Variants in ADAM10 observed in about 807,000 individuals in gnomAD.
ADAM10 encodes the protein disintegrin and metalloproteinase domain-containing protein 10.
A neutral mutation model predicts 90.1 loss-of-function variants in ADAM10; 17 were observed. That is an observed-to-expected ratio of 0.19 (90% CI 0.13 to 0.28). ADAM10 has a LOEUF of 0.28. Among genes scored for constraint, ADAM10 ranks in the 10% least tolerant of loss-of-function variants. The pLI is 1.00. For missense variants in ADAM10, 610 were observed against 914.3 expected, an observed-to-expected ratio of 0.67 and a Z score of 4.29; for synonymous variants, 310 against 298.6, an observed-to-expected ratio of 1.04 and a Z score of -0.40.
At chr15:58,638,733 CAAT>C (rs1471890941) in intron 8 of ADAM10, among the ~76,000 whole-genome samples, 1 of 151,300 alleles carries the variant, frequency 6.6e-6, no homozygotes. Flanking sequence ...ATATCACAAA[CAAT>C]GAGACATAAA....
intron 2 of ADAM10, among the ~76,000 whole-genome samples, chr15:58,715,393 C>G (rs1212265066): frequency 7.0e-6 from 1 of 143,708 alleles, no homozygotes; most frequent in East Asian, 2.1e-4. Flanking sequence ...CCAGCCCAGG[C>G]AACAGAGCAA....
At position 58,643,955 on chromosome 15, in the gene ADAM10, A is replaced by G. The variant is rs200359159; in HGVS notation, c.759T>C (p.Ile253=). The G allele has an allele frequency of 1.2e-6, 2 of 1,612,250 alleles. No homozygotes were observed. The highest frequency in any genetic ancestry group is 4.5e-5 in the East Asian group (2 of 44,834). The change falls in exon 7 of 16, where the codon ATT becomes ATC. Residue 253 remains isoleucine (I), a synonymous_variant. Coordinates refer to ENST00000260408, the MANE Select transcript of ADAM10 (RefSeq NM_001110.4). ...IAQISSHVKA[I]DTIYQTTDFS... Reference sequence around the variant, plus strand: ...AGTCTGTGGTCTGGTAAATTGTATCAATCGCTTTAACATGACTGGATATCT... The same window carrying G: ...AGTCTGTGGTCTGGTAAATTGTATCGATCGCTTTAACATGACTGGATATCT...
intron 11 of ADAM10, among the ~76,000 whole-genome samples, chr15:58,620,054 TTAA>T (rs1461304687): frequency 1.3e-5 from 2 of 152,138 alleles, no homozygotes. Flanking sequence ...GAAAATGGAT[TTAA>T]TATTAGGCAA....
At chr15:58,658,133 A>G (rs1479055362) in intron 5 of ADAM10, among the ~76,000 whole-genome samples, 1 of 151,754 alleles carries the variant, frequency 6.6e-6, no homozygotes, top group Non-Finnish European at 1.5e-5. Flanking sequence ...GTTTTTTCCT[A>G]GTTTTAGTTT....
chr15:58,744,243 G>GAGGGGT lies in ADAM10; in HGVS notation c.55+5231_55+5236dup, dbSNP rs1179193961. 5.3e-5 allele frequency among the ~76,000 whole-genome samples: 8 copies of GAGGGGT among 151,648 alleles called. No homozygotes were observed. The East Asian group carries it at 1.4e-3, about 26-fold the overall frequency. On this transcript the variant is annotated intron_variant, in intron 1 of 15. Transcript: ENST00000260408. ...AGCCAAGCTATACATATTGAAAGGT[G>GAGGGGT]AGGGGTAGGGGTGGGGGGCAGGGAG...
chr15:58,602,396 T>A (rs1377561322), intron 14 of ADAM10, among the ~76,000 whole-genome samples: 2 of 152,070 alleles, frequency 1.3e-5, no homozygotes, highest in Non-Finnish European at 2.9e-5. Context: ...AGGGGTGCAA[T>A]TCTCACCCTG....
At chr15:58,623,120 C>A (rs1555412027) in intron 10 of ADAM10, among the ~76,000 whole-genome samples, 1 of 152,168 alleles carries the variant, frequency 6.6e-6, no homozygotes, top group Non-Finnish European at 1.5e-5. Flanking sequence ...CCACATGAGG[C>A]CTATCTAAAT....
intron 2 of ADAM10, among the ~76,000 whole-genome samples, chr15:58,712,976 A>G (rs1354927488): frequency 2.0e-5 from 3 of 152,230 alleles, no homozygotes; most frequent in African/African-American, 7.2e-5. Context: ...CCTGCATCCC[A>G]CAATATGACA....
In ADAM10 at chr15:58,729,974, C is replaced by CA. The variant is rs57057137; in HGVS notation, c.56-12248dup. ...GAGGCTCTGTAAAAAAAAACAAAAA[C>CA]AAAAACAAAAACAAAACAAACAAAC... is the stretch of plus-strand genomic sequence containing the variant. On this transcript the variant is annotated intron_variant, in intron 1 of 15. Transcript: ENST00000260408. Among the ~76,000 whole-genome samples, 7 of 134,992 alleles carry CA rather than the reference C, an allele frequency of 5.2e-5. No individual in the cohort carries two copies. In the South Asian group the frequency reaches 1.8e-3, roughly 34 times the overall value. 88.6% of individuals were successfully genotyped at this position (134,992 alleles called of 152,430 possible).
intron 2 of ADAM10, among the ~76,000 whole-genome samples, chr15:58,705,927 T>C (rs1898273720): frequency 6.6e-6 from 1 of 152,204 alleles, no homozygotes; most frequent in Non-Finnish European, 1.5e-5. Flanking sequence ...TGTACCTAAT[T>C]TGTAAACTGA....
At chr15:58,675,459 A>C (rs1437500263) in intron 4 of ADAM10, among the ~76,000 whole-genome samples, 1 of 152,202 alleles carries the variant, frequency 6.6e-6, no homozygotes, top group East Asian at 1.9e-4. Context: ...AAACCTGTTC[A>C]TGTTAATAAC....
Position 58,633,200 on chromosome 15 carries a change from G to A in ADAM10, c.1172C>T (p.Ser391Phe). The change falls in exon 9 of 16, where the codon TCC becomes TTC. Residue 391 changes from serine (S) to phenylalanine (F), a missense_variant. Physicochemically the swap from Ser to Phe is radical, Grantham distance 155. This residue lies in a region of ADAM10 where 97 missense variants were observed against 221.4 expected (regional missense o/e 0.44). Transcript: ENST00000260408. Reference sequence around the variant, plus strand: ...TAATAATTAGACAATACTTACTGGGGATCCAAAGTTATGTCCAACTTCGTG... The same window carrying A: ...TAATAATTAGACAATACTTACTGGGAATCCAAAGTTATGTCCAACTTCGTG... ...FAHEVGHNFG[S>F]PHDSGTECTP... is the part of the protein sequence containing the mutation. 1 of 1,610,780 alleles carries A rather than the reference G, an allele frequency of 6.2e-7. No individual in the cohort carries two copies. Among genetic ancestry groups the A allele is most frequent in the Non-Finnish European group, 8.5e-7 (1 of 1,177,174 alleles).
rs1894789339 is a variant in ADAM10 at position 58,589,870 on chromosome 15, T to C, written c.*7677A>G. 6.6e-6 allele frequency: 1 copy of C among 152,138 alleles called. No homozygotes were observed. Among genetic ancestry groups the C allele is most frequent in the South Asian group, 2.1e-4 (1 of 4,832 alleles). The allele number at this position is 152,138 out of a possible 1,614,324, so 9.4% of individuals were successfully genotyped here. A position where few individuals can be genotyped will look rare whatever the true frequency, so the allele number is the denominator to read the frequency against. ...AGCGCCTTTCACAACTCCCAGATTG[T>C]TGGGCCAATATCCTAAGGAGAATAA... On this transcript the variant is annotated 3_prime_UTR_variant, in exon 16 of 16. Transcript: ENST00000260408.
intron 5 of ADAM10, among the ~76,000 whole-genome samples, chr15:58,647,808 T>C (rs1435293699): frequency 8.5e-5 from 13 of 152,156 alleles, no homozygotes; most frequent in Admixed American, 5.2e-4. Context: ...CTGTCTCAGC[T>C]TCCCGAAGTA....
At chr15:58,652,728 T>G (rs531282150) in intron 5 of ADAM10, among the ~76,000 whole-genome samples, 23 of 152,222 alleles carry the variant, frequency 1.5e-4, no homozygotes, top group Non-Finnish European at 3.2e-4. Context: ...GAGTTTCTTC[T>G]GGTTCCATAA....
chr15:58,609,850 G>C (rs1895387528), intron 14 of ADAM10: 1 of 199,492 alleles, frequency 5.0e-6, no homozygotes, highest in Non-Finnish European at 1.0e-5. Flanking sequence ...CTGTGTATCT[G>C]ATCTTATTCT....
Position 58,593,848 on chromosome 15 carries a change from G to A in ADAM10, c.*3699C>T, listed in dbSNP as rs1459592958. ...ATAGTACATACATGTATATATCTAA[G>A]ACACACAAACAATATAGTAATATAA... is the stretch of plus-strand genomic sequence containing the variant. On this transcript the variant is annotated 3_prime_UTR_variant, in exon 16 of 16. Coordinates refer to ENST00000260408, the MANE Select transcript of ADAM10 (RefSeq NM_001110.4). The A allele has an allele frequency of 5.3e-5, 8 of 152,014 alleles. No individual in the cohort carries two copies. Among genetic ancestry groups the A allele is most frequent in the African/African-American group, 9.7e-5 (4 of 41,370 alleles). 9.4% of individuals were successfully genotyped at this position (152,014 alleles called of 1,614,324 possible).
chr15:58,712,283 G>A (rs531360213), intron 2 of ADAM10, among the ~76,000 whole-genome samples: 3 of 152,158 alleles, frequency 2.0e-5, no homozygotes, highest in South Asian at 2.1e-4. Flanking sequence ...GGCCAGGCAC[G>A]GTGGCTCACA....
rs201808603 is a variant in ADAM10, at chr15:58,596,496, T to G, written c.*1051A>C. 6.6e-6 allele frequency: 1 copy of G among 152,658 alleles called. No homozygotes were observed. The highest frequency in any genetic ancestry group is 2.1e-4 in the South Asian group (1 of 4,836). The allele number at this position is 152,658 out of a possible 1,614,324, so 9.5% of individuals were successfully genotyped here. ...TGGTTACCAATGATCAGTGATGATATGCTGAAAAAACCGTTTAAATATTTT... is the reference window on the plus strand; with the variant it reads ...TGGTTACCAATGATCAGTGATGATAGGCTGAAAAAACCGTTTAAATATTTT... On this transcript the variant is annotated 3_prime_UTR_variant, in exon 16 of 16. Coordinates refer to ENST00000260408, the MANE Select transcript of ADAM10 (RefSeq NM_001110.4).
Sources: allele counts gnomAD v4.1 joint callset (sites outside exome capture counted in the v4.1 genomes callset), GRCh38; gene constraint gnomAD v4.1.1; regional missense constraint gnomAD v4.1.1; transcripts MANE v1.5; gene names NCBI Gene and HGNC (gene_info 2026-07-23, HGNC 2026-07-21).